MMP16: variants seen among roughly 807,000 people sequenced by gnomAD.
The protein encoded by MMP16 is matrix metallopeptidase 16.
In MMP16, 12 loss-of-function variants were observed where a neutral mutation model predicts 67.8. The observed-to-expected ratio is 0.18, with a 90% confidence interval of 0.11 to 0.29. The LOEUF (loss-of-function observed/expected upper bound fraction) is 0.29. MMP16 is among the 10% of genes least tolerant of loss of function. MMP16 has a pLI of 1.00. For synonymous variants in MMP16, 249 were observed against 255.9 expected, an observed-to-expected ratio of 0.97 and a Z score of 0.26; for missense variants, 475 against 765.7, an observed-to-expected ratio of 0.62 and a Z score of 4.48.
intron 7 of MMP16, among the ~76,000 whole-genome samples, chr8:88,070,589 T>C (rs1250940769): frequency 1.3e-5 from 2 of 152,052 alleles, no homozygotes; most frequent in Non-Finnish European, 1.5e-5. Flanking sequence ...TGTAGCTCTC[T>C]CCTCTATGTT....
chr8:88,127,645 A>G (rs1433700061), intron 4 of MMP16, among the ~76,000 whole-genome samples: 5 of 151,788 alleles, frequency 3.3e-5, no homozygotes, highest in Admixed American at 3.3e-4. Flanking sequence ...TTTGATTAGA[A>G]CTTTCAAGGT....
intron 4 of MMP16, among the ~76,000 whole-genome samples, chr8:88,149,746 C>T (rs1469907545): frequency 6.6e-6 from 1 of 152,002 alleles, no homozygotes; most frequent in African/African-American, 2.4e-5. Context: ...GTAGATAAAA[C>T]CACAAAGATG....
chr8:88,286,580 A>G (rs1232202227), intron 1 of MMP16, among the ~76,000 whole-genome samples: 1 of 149,000 alleles, frequency 6.7e-6, no homozygotes, highest in Non-Finnish European at 1.5e-5. Flanking sequence ...CTGGAACTCA[A>G]TTTTTTTTTT....
chr8:88,150,525 C>T (rs1297798755), intron 4 of MMP16, among the ~76,000 whole-genome samples: 2 of 82,968 alleles, frequency 2.4e-5, no homozygotes, highest in Admixed American at 1.3e-4. Flanking sequence ...CGGCAGAAAC[C>T]CTACAAGCCA....
rs553898420 is a variant in MMP16 at position 88,132,803 on chromosome 8, G to A, written c.710-13942C>T. On this transcript the variant is annotated intron_variant, in intron 4 of 9. Transcript: ENST00000286614. Reference sequence around the variant, plus strand: ...AATTATCCAGAGGTGGCTCACTGGTGGCCATTTGGGGGCTGGTTACTCCAA... The same window carrying A: ...AATTATCCAGAGGTGGCTCACTGGTAGCCATTTGGGGGCTGGTTACTCCAA... Among the ~76,000 whole-genome samples the A allele has an allele frequency of 5.4e-4, 82 of 151,988 alleles. 1 individual carries two copies. The Middle Eastern group carries it at 0.02, about 38-fold the overall frequency.
intron 1 of MMP16, among the ~76,000 whole-genome samples, chr8:88,253,903 G>C (rs532318439): frequency 2.0e-5 from 3 of 151,774 alleles, no homozygotes; most frequent in African/African-American, 7.3e-5. Flanking sequence ...GAAATTCCTG[G>C]CTTCAAGCAA....
intron 6 of MMP16, among the ~76,000 whole-genome samples, chr8:88,085,398 C>T (rs773229791): frequency 7.9e-5 from 12 of 152,014 alleles, no homozygotes; most frequent in Non-Finnish European, 1.2e-4. Flanking sequence ...CATTAGAATA[C>T]ACTTTTTCAC....
chr8:88,091,571 TCA>T (rs541618142), intron 6 of MMP16, among the ~76,000 whole-genome samples: 3 of 131,136 alleles, frequency 2.3e-5, no homozygotes, highest in Middle Eastern at 3.5e-3. Context: ...ACACACACAC[TCA>T]CACACACACA....
intron 1 of MMP16, among the ~76,000 whole-genome samples, chr8:88,218,198 A>G (rs1016491900): frequency 6.6e-6 from 1 of 151,970 alleles, no homozygotes; most frequent in Non-Finnish European, 1.5e-5. Flanking sequence ...CTGAAACACA[A>G]TATGTTCATT....
intron 6 of MMP16, among the ~76,000 whole-genome samples, chr8:88,107,485 T>C (rs763841282): frequency 1.3e-5 from 2 of 151,176 alleles, no homozygotes; most frequent in Non-Finnish European, 3.0e-5. Context: ...TTATGTATTT[T>C]GTTATTCTTT....
At chr8:88,172,989 A>G (rs1808829471) in intron 3 of MMP16, among the ~76,000 whole-genome samples, 1 of 152,224 alleles carries the variant, frequency 6.6e-6, no homozygotes, top group Non-Finnish European at 1.5e-5. Flanking sequence ...TCATTAGATC[A>G]AAACAATTTC....
At chr8:88,096,672 T>C (rs112610492) in intron 6 of MMP16, among the ~76,000 whole-genome samples, 12,313 of 151,924 alleles carry the variant, frequency 0.081, 519 homozygotes, top group South Asian at 0.1. Context: ...GTCAGGAAGA[T>C]TGATTAGAAG....
intron 1 of MMP16, among the ~76,000 whole-genome samples, chr8:88,282,394 C>A (rs1402137967): frequency 6.6e-6 from 1 of 152,080 alleles, no homozygotes; most frequent in African/African-American, 2.4e-5. Context: ...TTTCTATATG[C>A]ATACAAGGAA....
At chr8:88,187,121 T>C (rs1259824187) in intron 2 of MMP16, among the ~76,000 whole-genome samples, 1 of 152,176 alleles carries the variant, frequency 6.6e-6, no homozygotes. Flanking sequence ...TCTCTACCTT[T>C]TCTTCTTTAC....
chr8:88,041,207 G>A lies in MMP16; in HGVS notation c.*254C>T, dbSNP rs185001230. 1 of 388,564 alleles carries A rather than the reference G, an allele frequency of 2.6e-6. No individual in the cohort carries two copies. Among genetic ancestry groups the A allele is most frequent in the East Asian group, 3.9e-5 (1 of 25,570 alleles). The allele number at this position is 388,564 out of a possible 1,614,324, so 24.1% of individuals were successfully genotyped here. On this transcript the variant is annotated 3_prime_UTR_variant, in exon 10 of 10. Coordinates refer to ENST00000286614, the MANE Select transcript of MMP16 (RefSeq NM_005941.5). The surrounding 1 kb of genome is among the most constrained non-coding windows in gnomAD (Gnocchi z 6.0). ...TTTTACTGGGCATTGAGCGTGCAGA[G>A]GAAAGGCCTAGAACTGAATGACAAA...
intron 2 of MMP16, among the ~76,000 whole-genome samples, chr8:88,195,172 A>G (rs1809230681): frequency 6.6e-6 from 1 of 152,084 alleles, no homozygotes; most frequent in African/African-American, 2.4e-5. Flanking sequence ...TTACCTCCTC[A>G]CAAAAACCTT....
At chr8:88,130,323 G>A (rs952926438) in intron 4 of MMP16, among the ~76,000 whole-genome samples, 1 of 151,720 alleles carries the variant, frequency 6.6e-6, no homozygotes, top group African/African-American at 2.4e-5. Flanking sequence ...GCATGGCCTA[G>A]TATTCACACA....
chr8:88,088,054 TATC>T (rs1287971594), intron 6 of MMP16, among the ~76,000 whole-genome samples: 4 of 101,578 alleles, frequency 3.9e-5, no homozygotes, highest in African/African-American at 1.6e-4. Context: ...ATATCTATTA[TATC>T]TATATATAAT....
At chr8:88,112,724 T>C (rs112787907) in intron 6 of MMP16, among the ~76,000 whole-genome samples, 124 of 151,060 alleles carry the variant, frequency 8.2e-4, no homozygotes, top group African/African-American at 2.9e-3. Context: ...TCCCACCTCC[T>C]ACAGAAACAC....
Sources: allele counts gnomAD v4.1 joint callset (sites outside exome capture counted in the v4.1 genomes callset), GRCh38; gene constraint gnomAD v4.1.1; non-coding constraint Gnocchi (gnomAD v3.1); transcripts MANE v1.5; gene names NCBI Gene and HGNC (gene_info 2026-07-23, HGNC 2026-07-21).